KDM4C: variants seen among roughly 807,000 people sequenced by gnomAD.
KDM4C encodes lysine demethylase 4C.
Under a neutral mutation model 129.3 loss-of-function variants are expected in KDM4C, and 81 were observed. The ratio of observed to expected loss-of-function variants is 0.63; its 90% CI spans 0.52 to 0.75. The LOEUF is 0.75. KDM4C is among the 30% of genes least tolerant of loss of function. The pLI is 0.00. For synonymous variants in KDM4C, 573 were observed against 456.1 expected (o/e 1.26, Z -3.26); for missense variants, 1,457 against 1,304.0 (o/e 1.12, Z -1.81).
intron 17 of KDM4C, chr9:7,077,107 A>T (rs1281939041): frequency 2.6e-5 from 26 of 985,356 alleles, no homozygotes; most frequent in Non-Finnish European, 3.0e-5. Flanking sequence ...TGGGTGATAT[A>T]TGCTATCGAA....
intron 8 of KDM4C, among the ~76,000 whole-genome samples, chr9:6,928,122 C>A (rs1372117206): frequency 1.3e-5 from 2 of 152,174 alleles, no homozygotes; most frequent in Non-Finnish European, 2.9e-5. Flanking sequence ...CGTCTCTAGG[C>A]CAAAACCAGG....
At chr9:7,059,406 G>A (rs116577861) in intron 17 of KDM4C, among the ~76,000 whole-genome samples, 63 of 152,214 alleles carry the variant, frequency 4.1e-4, no homozygotes, top group African/African-American at 9.9e-4. Flanking sequence ...CCTAGCCCTC[G>A]AGAGTATTTT....
intron 8 of KDM4C, among the ~76,000 whole-genome samples, chr9:6,919,263 C>CTTTCT (rs1820966325): frequency 5.3e-5 from 7 of 130,976 alleles, no homozygotes; most frequent in Admixed American, 1.5e-4. Context: ...TTCTTTCTTT[C>CTTTCT]TTTCTTTCTG....
At position 6,991,543 on chromosome 9, in the gene KDM4C, GAGTCCTTCTCTGA is replaced by G. The variant is rs563601658; in HGVS notation, c.1786+1023_1786+1035del. 3.3e-5 allele frequency among the ~76,000 whole-genome samples: 5 copies of G among 152,270 alleles called. No individual in the cohort carries two copies. The East Asian group carries it at 9.6e-4, about 29-fold the overall frequency. On this transcript the variant is annotated intron_variant, in intron 12 of 21. Coordinates refer to ENST00000381309, the MANE Select transcript of KDM4C (RefSeq NM_015061.6). ...TTAATTCAGGCAGGTTTTCTGTTAA[GAGTCCTTCTCTGA>G]AGTATTCTCCAGTTTTACTTATGGA...
intron 15 of KDM4C, among the ~76,000 whole-genome samples, chr9:7,043,606 G>A (rs1307977311): frequency 6.6e-6 from 1 of 151,884 alleles, no homozygotes; most frequent in African/African-American, 2.4e-5. Flanking sequence ...GTTTTTACCA[G>A]ATCAACTAGT....
chr9:6,817,539 A>T (rs1385589346), intron 4 of KDM4C, among the ~76,000 whole-genome samples: 1 of 151,898 alleles, frequency 6.6e-6, no homozygotes, highest in Non-Finnish European at 1.5e-5. Flanking sequence ...TAGTTGACAG[A>T]CTGGTGTTTT....
At chr9:6,779,032 C>CTTTTTTTTT (rs60503128) in intron 1 of KDM4C, among the ~76,000 whole-genome samples, 3 of 94,626 alleles carry the variant, frequency 3.2e-5, no homozygotes, top group African/African-American at 1.0e-4. Context: ...TGATTAAAGT[C>CTTTTTTTTT]TTTTTTTTTT....
Position 6,814,659 on chromosome 9 carries a change from G to A in KDM4C, c.349G>A (p.Glu117Lys), listed in dbSNP as rs750594288. The A allele has an allele frequency of 2.5e-6, 4 of 1,605,354 alleles. No individual in the cohort carries two copies. Among genetic ancestry groups the A allele is most frequent in the Non-Finnish European group, 3.4e-6 (4 of 1,175,740 alleles). Residue 117 changes from glutamate (E) to lysine (K), a missense_variant, in exon 4 of 22, where the codon GAA becomes AAA. Coordinates refer to ENST00000381309, the MANE Select transcript of KDM4C (RefSeq NM_015061.6). ...TTGTACTCCAAGATACTTGGATTACGAAGATTTGGAGCGCAAGTACTGGAA... is the reference window on the plus strand; with the variant it reads ...TTGTACTCCAAGATACTTGGATTACAAAGATTTGGAGCGCAAGTACTGGAA... ...KYCTPRYLDY[E>K]DLERKYWKNL... is the part of the protein sequence containing the mutation.
chr9:7,105,497 C>A (rs773960850), intron 18 of KDM4C: 1 of 470,226 alleles, frequency 2.1e-6, no homozygotes. Flanking sequence ...GTGAACTGGG[C>A]CACGTGAGTA....
intron 18 of KDM4C, among the ~76,000 whole-genome samples, chr9:7,121,472 A>G (rs1839479239): frequency 6.6e-6 from 1 of 152,220 alleles, no homozygotes; most frequent in South Asian, 2.1e-4. Context: ...AGTGCAAGCT[A>G]AGCCACAGTC....
At chr9:6,955,388 C>G (rs868043391) in intron 8 of KDM4C, among the ~76,000 whole-genome samples, 9 of 152,130 alleles carry the variant, frequency 5.9e-5, no homozygotes, top group Non-Finnish European at 1.2e-4. Context: ...GTTTCTTGTC[C>G]TTGGTTCACC....
At chr9:6,976,077 TTTG>T (rs1398778273) in intron 8 of KDM4C, among the ~76,000 whole-genome samples, 2 of 148,966 alleles carry the variant, frequency 1.3e-5, no homozygotes, top group Non-Finnish European at 2.9e-5. Context: ...TTATACCTTT[TTTG>T]TTTTTTGTTT....
At chr9:6,812,078 G>T (rs570340268) in intron 3 of KDM4C, among the ~76,000 whole-genome samples, 2 of 151,974 alleles carry the variant, frequency 1.3e-5, no homozygotes, top group Non-Finnish European at 2.9e-5. Context: ...CTCTCTTAGA[G>T]TTATGAGTTT....
chr9:6,888,051 T>A lies in KDM4C; in HGVS notation c.771T>A (p.Ile257=). 6.4e-7 allele frequency: 1 copy of A among 1,560,222 alleles called. No individual in the cohort carries two copies. Reference sequence around the variant, plus strand: ...CATCAGTATTGAAGAAATATGGTATTCCCTTTGACAAGGTATGTTAGTATT... The same window carrying A: ...CATCAGTATTGAAGAAATATGGTATACCCTTTGACAAGGTATGTTAGTATT... The part of the protein sequence containing the change: ...ISPSVLKKYG[I]PFDKITQEAG... Residue 257 remains isoleucine, a synonymous_variant, in exon 7 of 22, where the codon ATT becomes ATA. Transcript: ENST00000381309.
At chr9:6,970,373 GT>G (rs1831754159) in intron 8 of KDM4C, among the ~76,000 whole-genome samples, 1 of 152,174 alleles carries the variant, frequency 6.6e-6, no homozygotes, top group Non-Finnish European at 1.5e-5. Flanking sequence ...AATTGTACCT[GT>G]TGGGACACAT....
chr9:7,047,065 A>G (rs956599134), intron 16 of KDM4C, 148 bp downstream of exon 16: 3 of 619,184 alleles, frequency 4.8e-6, no homozygotes, highest in African/African-American at 1.8e-5. Flanking sequence ...TGTGCTTCAG[A>G]GACTTCTACT....
intron 4 of KDM4C, among the ~76,000 whole-genome samples, chr9:6,828,266 G>A (rs1457167577): frequency 1.3e-5 from 2 of 151,968 alleles, no homozygotes. Flanking sequence ...TCCTGTCTCA[G>A]CCTCCCGAAT....
chr9:6,887,982 A>G lies in KDM4C; in HGVS notation c.702A>G (p.Gln234=). 6.2e-7 allele frequency: 1 copy of G among 1,610,976 alleles called. No homozygotes were observed. The highest frequency in any genetic ancestry group is 8.5e-7 in the Non-Finnish European group (1 of 1,177,298). Residue 234 remains glutamine (Q), a synonymous_variant, in exon 7 of 22, where the codon CAA becomes CAG. Transcript: ENST00000381309. The part of the protein sequence containing the change: ...LAQGFFPSSS[Q]GCDAFLRHKM... Reference sequence around the variant, plus strand: ...TAGGTTTTTTCCCAAGCAGCTCCCAAGGGTGTGATGCATTTCTTCGCCACA... The same window carrying G: ...TAGGTTTTTTCCCAAGCAGCTCCCAGGGGTGTGATGCATTTCTTCGCCACA...
chr9:7,021,900 A>G (rs1458616206), intron 15 of KDM4C, among the ~76,000 whole-genome samples: 2 of 152,150 alleles, frequency 1.3e-5, no homozygotes, highest in African/African-American at 2.4e-5. Flanking sequence ...AGCATCATTT[A>G]TTGAAGAGAC....
Sources: gnomAD v4.1 joint callset for allele counts (sites outside exome capture counted in the v4.1 genomes callset) on GRCh38, gnomAD v4.1.1 for gene constraint, MANE v1.5 for transcripts, NCBI Gene and HGNC (gene_info 2026-07-23, HGNC 2026-07-21) for gene names.